KLHL18: variants seen among roughly 807,000 people sequenced by gnomAD.
KLHL18 encodes kelch like family member 18.
A neutral mutation model predicts 58.5 loss-of-function variants in KLHL18; 38 were observed. That is an observed-to-expected ratio of 0.65 (90% CI 0.50 to 0.85). KLHL18 has a LOEUF of 0.85. Ranked by LOEUF, KLHL18 falls within the 40% of genes least tolerant of loss-of-function variation. The pLI is 0.00. For synonymous variants in KLHL18, 303 were observed against 301.9 expected (o/e 1.00, Z -0.04); for missense variants, 624 against 778.4 (o/e 0.80, Z 2.36).
intron 2 of KLHL18, among the ~76,000 whole-genome samples, chr3:47,321,243 A>G (rs1171044576): frequency 2.0e-5 from 3 of 151,646 alleles, no homozygotes; most frequent in Non-Finnish European, 4.4e-5. Context: ...ATCTGGGCTC[A>G]CTGCAACCTC....
Position 47,329,974 on chromosome 3 carries a change from G to T in KLHL18, c.425G>T (p.Gly142Val). ...AGGCTTCACCCAAAAAACTGCCTGG[G>T]TGTGCGCCAGTTTGCTGAGACAATG... ...RERLHPKNCL[G>V]VRQFAETMMC... Residue 142 changes from glycine (G) to valine (V), a missense_variant, in exon 4 of 10, where the codon GGT (glycine) becomes GTT (valine). Physicochemically the swap from Gly to Val is moderately radical, Grantham distance 109. Transcript: ENST00000232766. 2 of 1,614,024 alleles carry T rather than the reference G, an allele frequency of 1.2e-6. No individual in the cohort carries two copies. The highest frequency in any genetic ancestry group is 1.7e-6 in the Non-Finnish European group (2 of 1,180,008).
Position 47,334,661 on chromosome 3 carries a change from A to C in KLHL18, c.762-22A>C, listed in dbSNP as rs1038854930. On this transcript the variant is annotated intron_variant, in intron 5 of 9. Coordinates refer to ENST00000232766, the MANE Select transcript of KLHL18 (RefSeq NM_025010.5). This position sits in a 1 kb window ranked among gnomAD's most constrained non-coding sequence, Gnocchi z 4.7. ...AAGTCAGGGGGATACCTCCTGTTCT[A>C]GCATCTTCCACCTTATTCTAGGGAC... 5.0e-6 allele frequency: 8 copies of C among 1,613,818 alleles called. No homozygotes were observed. The highest frequency in any genetic ancestry group is 6.8e-6 in the Non-Finnish European group (8 of 1,179,788).
At chr3:47,307,205 G>A (rs1373409155) in intron 1 of KLHL18, among the ~76,000 whole-genome samples, 1 of 152,080 alleles carries the variant, frequency 6.6e-6, no homozygotes, top group African/African-American at 2.4e-5. Context: ...CCAAGTAGCT[G>A]GGATTACAGG....
chr3:47,343,544 C>A lies in KLHL18; in HGVS notation c.1339-11C>A. On this transcript the variant is annotated splice_polypyrimidine_tract_variant and intron_variant, in intron 9 of 9. Transcript: ENST00000232766. ...GACTGTCCTGTACCTGTGCCTCTCT[C>A]CCCACTGCAGGTGGAACACTACAAC... The A allele has an allele frequency of 6.2e-7, 1 of 1,612,790 alleles. No individual in the cohort carries two copies. The highest frequency in any genetic ancestry group is 8.5e-7 in the Non-Finnish European group (1 of 1,179,982).
chr3:47,327,765 T>G (rs1703759746), intron 3 of KLHL18, among the ~76,000 whole-genome samples: 1 of 152,222 alleles, frequency 6.6e-6, no homozygotes, highest in Admixed American at 6.5e-5. Context: ...GAATTTTGAC[T>G]AGTCATAAAG....
At chr3:47,312,971 G>T (rs544514516) in intron 1 of KLHL18, among the ~76,000 whole-genome samples, 1 of 146,518 alleles carries the variant, frequency 6.8e-6, no homozygotes, top group Admixed American at 7.0e-5. Context: ...GTGCAGTGGC[G>T]CAATCTCGGC....
chr3:47,327,027 T>C (rs1703740098), intron 3 of KLHL18, among the ~76,000 whole-genome samples: 1 of 151,384 alleles, frequency 6.6e-6, no homozygotes. Context: ...TCGCCTGAGG[T>C]CAGTAGTTGG....
intron 1 of KLHL18, chr3:47,287,083 CAT>C (rs1702690441): frequency 6.6e-6 from 1 of 152,208 alleles, no homozygotes; most frequent in Non-Finnish European, 1.5e-5. Context: ...AGTGGCTTGC[CAT>C]CCGCAATACT....
At chr3:47,332,117 A>T (rs1335709838) in intron 4 of KLHL18, among the ~76,000 whole-genome samples, 1 of 152,188 alleles carries the variant, frequency 6.6e-6, no homozygotes, top group African/African-American at 2.4e-5. Flanking sequence ...TGGGAGGCCA[A>T]GGTGGGCAGA....
chr3:47,330,118 G>A lies in KLHL18; in HGVS notation c.569G>A (p.Arg190Gln), dbSNP rs780179955. The A allele has an allele frequency of 9.9e-6, 16 of 1,613,986 alleles. No homozygotes were observed. The highest frequency in any genetic ancestry group is 4.5e-5 in the East Asian group (2 of 44,898). The change falls in exon 4 of 10, where the codon CGG becomes CAG. Residue 190 changes from arginine (R) to glutamine (Q), a missense_variant. Physicochemically the swap from Arg to Gln is conservative, Grantham distance 43 (BLOSUM62 1). Transcript: ENST00000232766. Reference sequence around the variant, plus strand: ...GAAGACGTGCTTGAGCTGGTGTCTCGGGATGAGCTGAATGTCAAATCTGAG... The same window carrying A: ...GAAGACGTGCTTGAGCTGGTGTCTCAGGATGAGCTGAATGTCAAATCTGAG... ...PLEDVLELVS[R>Q]DELNVKSEEQ...
At chr3:47,321,323 G>GTT (rs796261691) in intron 2 of KLHL18, among the ~76,000 whole-genome samples, 1 of 141,704 alleles carries the variant, frequency 7.1e-6, no homozygotes, top group African/African-American at 2.6e-5. Context: ...GGCACCTGCC[G>GTT]TTTTTTTTTT....
chr3:47,340,537 C>T (rs370505691), intron 7 of KLHL18, 35 bp from the exon 8 acceptor site: 273 of 1,612,770 alleles, frequency 1.7e-4, no homozygotes, highest in Non-Finnish European at 2.0e-4. Flanking sequence ...AGGAAGGCTG[C>T]GGCTCATCTG....
rs1198625421 is a variant in KLHL18, at chr3:47,345,528, A to C, written c.*1587A>C. 6.5e-6 allele frequency: 1 copy of C among 152,700 alleles called. No individual in the cohort carries two copies. Among genetic ancestry groups the C allele is most frequent in the Non-Finnish European group, 1.5e-5 (1 of 68,044 alleles). 9.5% of individuals were successfully genotyped at this position (152,700 alleles called of 1,614,324 possible). On this transcript the variant is annotated 3_prime_UTR_variant, in exon 10 of 10. Transcript: ENST00000232766. ...CTCCTCCCTGGATAGGACCTAATGT[A>C]GCACAGCGGGACTCAAAGAGGAGGA... is the stretch of plus-strand genomic sequence containing the variant.
chr3:47,330,166 G>A lies in KLHL18; in HGVS notation c.600+17G>A, dbSNP rs770411443. ...GAGGAGCAGGTATGTGAGCCCAGTA[G>A]CAGTCTGTGCAGGTGACATGAGATG... On this transcript the variant is annotated intron_variant, in intron 4 of 9. Transcript: ENST00000232766. 9 of 1,609,154 alleles carry A rather than the reference G, an allele frequency of 5.6e-6. No individual in the cohort carries two copies. Among genetic ancestry groups the A allele is most frequent in the Non-Finnish European group, 6.8e-6 (8 of 1,175,608 alleles).
intron 1 of KLHL18, 139 bp downstream of exon 1, chr3:47,283,233 G>C (rs1702520877): frequency 1.5e-6 from 1 of 676,638 alleles, no homozygotes; most frequent in Non-Finnish European, 2.3e-6. Flanking sequence ...GTAGTGGGGA[G>C]AGAGGTGCCG....
chr3:47,283,965 A>G (rs748437693), intron 1 of KLHL18, among the ~76,000 whole-genome samples: 6 of 152,356 alleles, frequency 3.9e-5, no homozygotes, highest in Admixed American at 2.0e-4. Context: ...CAGGGCAGGC[A>G]TGGTGGCTCA....
intron 2 of KLHL18, 37 bp from the exon 3 acceptor site, chr3:47,322,531 T>G (rs1703613062): frequency 1.3e-6 from 2 of 1,545,266 alleles, no homozygotes; most frequent in East Asian, 4.7e-5. Context: ...AAGACTCGTC[T>G]CTGAAAGCAC....
chr3:47,340,557 C>G lies in KLHL18; in HGVS notation c.1122-15C>G, dbSNP rs1402274833. ...GGCTGCGGCTCATCTGGGATGACAGCTCTGTCTGTTTCAGTGCCATGGGGA... is the reference window on the plus strand; with the variant it reads ...GGCTGCGGCTCATCTGGGATGACAGGTCTGTCTGTTTCAGTGCCATGGGGA... On this transcript the variant is annotated splice_polypyrimidine_tract_variant and intron_variant, in intron 7 of 9. Transcript: ENST00000232766. 6.2e-7 allele frequency: 1 copy of G among 1,613,916 alleles called. No homozygotes were observed. The highest frequency in any genetic ancestry group is 2.2e-5 in the East Asian group (1 of 44,874).
At chr3:47,308,774 C>CTT (rs1159372262) in intron 1 of KLHL18, among the ~76,000 whole-genome samples, 1 of 144,764 alleles carries the variant, frequency 6.9e-6, no homozygotes, top group Non-Finnish European at 1.5e-5. Flanking sequence ...TTGTTGCCAT[C>CTT]TTTTTTTTTT....
Sources: gnomAD v4.1 joint callset for allele counts (sites outside exome capture counted in the v4.1 genomes callset) on GRCh38, gnomAD v4.1.1 for gene constraint, Gnocchi (gnomAD v3.1) non-coding constraint, MANE v1.5 for transcripts, NCBI Gene and HGNC (gene_info 2026-07-23, HGNC 2026-07-21) for gene names.